The following SHISA5 variants were observed in gnomAD, a reference collection of about 807,000 sequenced individuals.
SHISA5 encodes protein shisa-5.
Under a neutral mutation model 27.5 loss-of-function variants are expected in SHISA5, and 21 were observed. The observed-to-expected ratio is 0.76, with a 90% CI of 0.54 to 1.10. SHISA5 has a LOEUF of 1.10. Among genes scored for constraint, SHISA5 ranks in the 50% least tolerant of loss-of-function variants. The pLI is 0.00. For missense variants in SHISA5, 314 were observed against 336.3 expected (o/e 0.93, Z 0.52); for synonymous variants, 137 against 142.2 (o/e 0.96, Z 0.26).
chr3:48,489,161 C>A (rs1228827414), intron 2 of SHISA5, among the ~76,000 whole-genome samples: 9 of 151,128 alleles, frequency 6.0e-5, no homozygotes, highest in African/African-American at 2.2e-4. Flanking sequence ...TGTGGCCCAA[C>A]ACAAATTCTT....
At chr3:48,490,508 G>T (rs150083290) in intron 2 of SHISA5, among the ~76,000 whole-genome samples, 1 of 152,222 alleles carries the variant, frequency 6.6e-6, no homozygotes, top group Non-Finnish European at 1.5e-5. Flanking sequence ...ACTGGAGTTT[G>T]TCTTGCTAGA....
chr3:48,474,546 A>G (rs2040756891), intron 3 of SHISA5, among the ~76,000 whole-genome samples: 3 of 152,070 alleles, frequency 2.0e-5, no homozygotes, highest in African/African-American at 7.2e-5. Context: ...CACGTTGGCC[A>G]GGCTGGTCTC....
chr3:48,498,175 C>T (rs1248133055), intron 2 of SHISA5, among the ~76,000 whole-genome samples: 1 of 152,166 alleles, frequency 6.6e-6, no homozygotes, highest in African/African-American at 2.4e-5. Context: ...ATAATTAAAA[C>T]TCTAGGTGTA....
Position 48,469,376 on chromosome 3 carries a change from G to A in SHISA5, c.628C>T (p.His210Tyr). ...GGGCACTCACCAGCCAGGGTCTCGTGGTAGGCCGGTGGGCCCATGGGCTGG... is the reference window on the plus strand; with the variant it reads ...GGGCACTCACCAGCCAGGGTCTCGTAGTAGGCCGGTGGGCCCATGGGCTGG... Reference protein sequence around the residue: ...PAQPMGPPAYHETLAGGAAAP... With the variant: ...PAQPMGPPAYYETLAGGAAAP... The change falls in exon 5 of 6, where the codon CAC becomes TAC. Residue 210 changes from histidine to tyrosine, a missense_variant. Transcript: ENST00000296444. This position sits in a 1 kb window ranked among gnomAD's most constrained non-coding sequence, Gnocchi z 4.6. 1 of 1,591,176 alleles carries A rather than the reference G, an allele frequency of 6.3e-7. No individual in the cohort carries two copies. The highest frequency in any genetic ancestry group is 1.3e-5 in the African/African-American group (1 of 74,696).
intron 2 of SHISA5, among the ~76,000 whole-genome samples, chr3:48,484,435 A>T (rs2041131412): frequency 6.6e-6 from 1 of 151,860 alleles, no homozygotes; most frequent in Non-Finnish European, 1.5e-5. Flanking sequence ...GTCTCTACTA[A>T]AAATACAAAA....
intron 2 of SHISA5, among the ~76,000 whole-genome samples, chr3:48,490,058 G>GT (rs1031980659): frequency 4.0e-5 from 6 of 151,746 alleles, no homozygotes; most frequent in African/African-American, 1.2e-4. Flanking sequence ...CGCCACCTCC[G>GT]TTTTTTTTGT....
At chr3:48,487,129 C>T (rs916335381) in intron 2 of SHISA5, among the ~76,000 whole-genome samples, 1 of 147,954 alleles carries the variant, frequency 6.8e-6, no homozygotes, top group Non-Finnish European at 1.5e-5. Context: ...CACACGCACA[C>T]GCACACACAC....
intron 2 of SHISA5, among the ~76,000 whole-genome samples, chr3:48,490,316 G>A (rs893938135): frequency 8.5e-5 from 13 of 152,172 alleles, no homozygotes; most frequent in African/African-American, 3.1e-4. Context: ...CAGGTGATCC[G>A]CCCACCTCGG....
chr3:48,490,726 C>A (rs991010040), intron 2 of SHISA5, among the ~76,000 whole-genome samples: 1 of 152,148 alleles, frequency 6.6e-6, no homozygotes, highest in Non-Finnish European at 1.5e-5. Context: ...ACATTTTACC[C>A]CAAAACATGT....
In SHISA5 at chr3:48,469,962, T is replaced by A; in HGVS notation, c.315-119A>T. The A allele has an allele frequency of 7.5e-7, 1 of 1,338,664 alleles. No individual in the cohort carries two copies. The highest frequency in any genetic ancestry group is 2.5e-5 in the Admixed American group (1 of 40,366). 82.9% of individuals were successfully genotyped at this position (1,338,664 alleles called of 1,614,324 possible). Reference sequence around the variant, plus strand: ...TCTGGGCAATACAGTTATAGCTACTTCCTTGTCGGGTGGCCTGCACCTGTT... The same window carrying A: ...TCTGGGCAATACAGTTATAGCTACTACCTTGTCGGGTGGCCTGCACCTGTT... On this transcript the variant is annotated intron_variant, in intron 3 of 5. Transcript: ENST00000296444. The surrounding 1 kb of genome is among the most constrained non-coding windows in gnomAD (Gnocchi z 4.6).
At chr3:48,483,209 A>C (rs1042604890) in intron 2 of SHISA5, among the ~76,000 whole-genome samples, 1 of 151,906 alleles carries the variant, frequency 6.6e-6, no homozygotes, top group South Asian at 2.1e-4. Context: ...AAAGGTCTCT[A>C]GTTTTCCTAG....
chr3:48,473,169 C>T lies in SHISA5; in HGVS notation c.315-3326G>A. The T allele has an allele frequency of 2.1e-6, 3 of 1,441,366 alleles. No individual in the cohort carries two copies. The highest frequency in any genetic ancestry group is 2.7e-6 in the Non-Finnish European group (3 of 1,100,642). The allele number at this position is 1,441,366 out of a possible 1,614,324, so 89.3% of individuals were successfully genotyped here. A position where few individuals can be genotyped will look rare whatever the true frequency, so the allele number is the denominator to read the frequency against. ...AGCCACAGGAAGCACAGACGCGAAGCCCCGTTCCACCCTCTTAAAGACACA... is the reference window on the plus strand; with the variant it reads ...AGCCACAGGAAGCACAGACGCGAAGTCCCGTTCCACCCTCTTAAAGACACA... On this transcript the variant is annotated intron_variant, in intron 3 of 5. Coordinates refer to ENST00000296444, the MANE Select transcript of SHISA5 (RefSeq NM_016479.6). This position sits in a 1 kb window ranked among gnomAD's most constrained non-coding sequence, Gnocchi z 4.3.
Position 48,469,074 on chromosome 3 carries a change from A to T in SHISA5, c.*33T>A. The T allele has an allele frequency of 6.2e-7, 1 of 1,611,980 alleles. No individual in the cohort carries two copies. The highest frequency in any genetic ancestry group is 8.5e-7 in the Non-Finnish European group (1 of 1,179,934). ...CACCACTCACGCACACACACAACAT[A>T]ACCAAGTGGCAGCCAGAGAGGCCAG... is the stretch of plus-strand genomic sequence containing the variant. On this transcript the variant is annotated 3_prime_UTR_variant, in exon 6 of 6. Transcript: ENST00000296444. The surrounding 1 kb of genome is among the most constrained non-coding windows in gnomAD (Gnocchi z 4.6).
At chr3:48,481,441 A>AAAAATAAATAAAATAAAATAAAAT (rs2041008462) in intron 2 of SHISA5, among the ~76,000 whole-genome samples, 1 of 144,202 alleles carries the variant, frequency 6.9e-6, no homozygotes, top group African/African-American at 2.8e-5. Context: ...TCTGTCTCAA[A>AAAAATAAATAAAATAAAATAAAAT]AAAATAAAAT....
intron 2 of SHISA5, among the ~76,000 whole-genome samples, chr3:48,483,494 A>G (rs1041788795): frequency 1.8e-4 from 28 of 152,178 alleles, no homozygotes; most frequent in African/African-American, 6.8e-4. Context: ...ACTTCTTTCT[A>G]CACAGACACA....
intron 2 of SHISA5, among the ~76,000 whole-genome samples, chr3:48,491,765 C>A (rs989436311): frequency 2.0e-5 from 3 of 152,042 alleles, no homozygotes; most frequent in Admixed American, 2.0e-4. Flanking sequence ...TCTCCCACCT[C>A]AGCCTCCTAA....
In SHISA5 at chr3:48,468,179, A is replaced by G; in HGVS notation, c.*928T>C. 2 of 999,636 alleles carry G rather than the reference A, an allele frequency of 2.0e-6. No homozygotes were observed. Among genetic ancestry groups the G allele is most frequent in the Non-Finnish European group, 1.2e-6 (1 of 837,470 alleles). The allele number at this position is 999,636 out of a possible 1,614,324, so 61.9% of individuals were successfully genotyped here. Reference sequence around the variant, plus strand: ...TGCCAGGTTGTCCATCTCTGAGCCAATTTCCCTCCACAACCCAGGGGTTTC... The same window carrying G: ...TGCCAGGTTGTCCATCTCTGAGCCAGTTTCCCTCCACAACCCAGGGGTTTC... On this transcript the variant is annotated 3_prime_UTR_variant, in exon 6 of 6. Coordinates refer to ENST00000296444, the MANE Select transcript of SHISA5 (RefSeq NM_016479.6).
chr3:48,474,299 C>T (rs2040745089), intron 3 of SHISA5, among the ~76,000 whole-genome samples: 1 of 150,824 alleles, frequency 6.6e-6, no homozygotes, highest in African/African-American at 2.4e-5. Flanking sequence ...GTTGCCCAGG[C>T]TAATTTTTAA....
chr3:48,496,520 C>T (rs1033570030), intron 2 of SHISA5, among the ~76,000 whole-genome samples: 1 of 151,972 alleles, frequency 6.6e-6, no homozygotes, highest in Non-Finnish European at 1.5e-5. Context: ...CACCTGAGGT[C>T]GGGAGCTCGA....
Sources: allele counts gnomAD v4.1 joint callset (sites outside exome capture counted in the v4.1 genomes callset), GRCh38; gene constraint gnomAD v4.1.1; non-coding constraint Gnocchi (gnomAD v3.1); transcripts MANE v1.5; gene names NCBI Gene and HGNC (gene_info 2026-07-23, HGNC 2026-07-21).